The following C11orf65 variants were observed in gnomAD, a reference collection of about 807,000 sequenced individuals.
The protein encoded by C11orf65 is chromosome 11 open reading frame 65, also known as protein MFI.
In C11orf65, 38 loss-of-function variants were observed where a neutral mutation model predicts 35.3. The observed-to-expected ratio is 1.08, with a 90% CI of 0.83 to 1.41. C11orf65 has a LOEUF of 1.41. Among genes scored for constraint, C11orf65 ranks in the 40% most tolerant of loss-of-function variants. The pLI, the probability that C11orf65 is intolerant of heterozygous loss-of-function variation, is 0.00. For synonymous variants in C11orf65, 105 were observed against 114.4 expected (o/e 0.92, Z 0.53); for missense variants, 370 against 367.1 (o/e 1.01, Z -0.06).
chr11:108,334,296 A>G (rs949290407), intron 3 of C11orf65, among the ~76,000 whole-genome samples: 1 of 152,102 alleles, frequency 6.6e-6, no homozygotes, highest in African/African-American at 2.4e-5. Flanking sequence ...GAAGGTTCCA[A>G]TTGTCATATA....
intron 6 of C11orf65, among the ~76,000 whole-genome samples, chr11:108,311,433 C>G (rs963379288): frequency 1.5e-4 from 23 of 152,242 alleles, no homozygotes; most frequent in African/African-American, 4.6e-4. Flanking sequence ...CAGTGGCTCA[C>G]GCATGTAATC....
intron 3 of C11orf65, among the ~76,000 whole-genome samples, chr11:108,410,498 C>T (rs547525887): frequency 2.4e-4 from 36 of 152,180 alleles, no homozygotes; most frequent in Non-Finnish European, 3.8e-4. Context: ...GGACTAAAGG[C>T]ACGCACCATC....
intron 3 of C11orf65, among the ~76,000 whole-genome samples, chr11:108,424,104 C>T (rs750363769): frequency 1.3e-5 from 2 of 152,126 alleles, no homozygotes; most frequent in South Asian, 2.1e-4. Context: ...ATAACAAACT[C>T]CTCCGAGCTA....
chr11:108,317,555 C>A, intron 6 of C11orf65: 1 of 1,559,832 alleles, frequency 6.4e-7, no homozygotes, highest in South Asian at 1.1e-5. Context: ...TTTTTTTTGC[C>A]TCTCTCCTCA....
Position 108,427,436 on chromosome 11 carries a change from G to A in C11orf65, c.174+4310C>T, listed in dbSNP as rs1371731997. Among the ~76,000 whole-genome samples the A allele has an allele frequency of 0.013, 8 of 626 alleles. No individual in the cohort carries two copies. The South Asian group carries it at 0.33, about 26-fold the overall frequency. 0.4% of individuals were successfully genotyped at this position (626 alleles called of 152,430 possible). On this transcript the variant is annotated intron_variant, in intron 3 of 8. Transcript: ENST00000393084. ...GTGGTCAACAAACATATTTTAAAAA[G>A]CTCGGCCGGGCGCGGGCTGACGCCT...
At chr11:108,345,665 AT>A (rs2137018359) in intron 2 of C11orf65, 1 of 1,217,010 alleles carries the variant, frequency 8.2e-7, no homozygotes, top group South Asian at 1.5e-5. Flanking sequence ...TATCTGTCAT[AT>A]TTTTATATAA....
At chr11:108,411,594 G>C (rs903120637) in intron 3 of C11orf65, among the ~76,000 whole-genome samples, 4 of 151,958 alleles carry the variant, frequency 2.6e-5, no homozygotes, top group Non-Finnish European at 5.9e-5. Flanking sequence ...TAAAATCTTC[G>C]ACTATGCTTG....
intron 3 of C11orf65, among the ~76,000 whole-genome samples, chr11:108,413,560 T>C (rs1279026282): frequency 1.3e-5 from 2 of 152,250 alleles, no homozygotes; most frequent in African/African-American, 2.4e-5. Context: ...TTCAGTACTG[T>C]CCTGAACTTG....
downstream of C11orf65, chr11:108,327,579 A>C: frequency 7.5e-7 from 1 of 1,336,038 alleles, no homozygotes; most frequent in South Asian, 1.2e-5. Context: ...TTCCCCGTAC[A>C]TGAAGGGCAG....
At chr11:108,334,435 A>G (rs2086611804) in intron 3 of C11orf65, among the ~76,000 whole-genome samples, 1 of 152,206 alleles carries the variant, frequency 6.6e-6, no homozygotes, top group East Asian at 1.9e-4. Context: ...CTCTGTTCTA[A>G]TATTCTTTTA....
chr11:108,310,044 G>T, intron 6 of C11orf65: 2 of 1,086,012 alleles, frequency 1.8e-6, no homozygotes, highest in East Asian at 2.6e-5. Flanking sequence ...TGTGGTTTTT[G>T]GGAATTTGTA....
rs755656958 is a variant in C11orf65, at chr11:108,325,350, T to C, written c.641-16279A>G. ...ACAACTCTCTGAAGTATATATTAAG[T>C]GGCAGAAACACTCCCAGCTTCTCAA... On this transcript the variant is annotated intron_variant, in intron 6 of 6. Transcript: ENST00000525729. 1.2e-6 allele frequency: 2 copies of C among 1,612,734 alleles called. 1 individual carries two copies. Among genetic ancestry groups the C allele is most frequent in the South Asian group, 2.2e-5 (2 of 91,038 alleles).
chr11:108,360,177 A>T (rs1164002750), intron 2 of C11orf65, among the ~76,000 whole-genome samples: 7 of 150,472 alleles, frequency 4.7e-5, no homozygotes, highest in Non-Finnish European at 7.4e-5. Context: ...CCTCTACGCA[A>T]ATAAACTAGA....
At chr11:108,380,083 G>A (rs2091837559), downstream of C11orf65, among the ~76,000 whole-genome samples, 1 of 152,104 alleles carries the variant, frequency 6.6e-6, no homozygotes, top group Non-Finnish European at 1.5e-5. Flanking sequence ...TCTCTCTCAG[G>A]CCACACTGAT....
In C11orf65 at chr11:108,319,988, T is replaced by C. The variant is rs753646931; in HGVS notation, c.641-10917A>G. 5.1e-5 allele frequency: 82 copies of C among 1,612,714 alleles called. 1 individual carries two copies. The Middle Eastern group carries it at 8.2e-4, about 16-fold the overall frequency. ...AGAAGGAACCAGTTACCATGAATCA[T>C]TGTACAATGCTCTACAATCTCTAAG... On this transcript the variant is annotated intron_variant, in intron 6 of 6. Transcript: ENST00000525729.
At chr11:108,410,381 C>CA (rs1457521256) in intron 3 of C11orf65, among the ~76,000 whole-genome samples, 1 of 152,142 alleles carries the variant, frequency 6.6e-6, no homozygotes, top group East Asian at 1.9e-4. Context: ...TTAACATATT[C>CA]AATGAACCAA....
intron 2 of C11orf65, among the ~76,000 whole-genome samples, chr11:108,370,112 T>C (rs2091514807): frequency 6.6e-6 from 1 of 152,180 alleles, no homozygotes; most frequent in Non-Finnish European, 1.5e-5. Flanking sequence ...GTTCCTAATG[T>C]CACTCAGTTA....
At chr11:108,466,425 T>C (rs1326814362) in intron 1 of C11orf65, among the ~76,000 whole-genome samples, 1 of 151,874 alleles carries the variant, frequency 6.6e-6, no homozygotes, top group Non-Finnish European at 1.5e-5. Context: ...AATACAAAAA[T>C]AAACTGGGTG....
At chr11:108,456,345 T>C (rs1306028559) in intron 2 of C11orf65, among the ~76,000 whole-genome samples, 1 of 152,144 alleles carries the variant, frequency 6.6e-6, no homozygotes, top group East Asian at 1.9e-4. Flanking sequence ...CCTCTAAGTA[T>C]ACACAACAAT....
Sources: allele counts gnomAD v4.1 joint callset (sites outside exome capture counted in the v4.1 genomes callset), GRCh38; gene constraint gnomAD v4.1.1; transcripts MANE v1.5; gene names NCBI Gene and HGNC (gene_info 2026-07-23, HGNC 2026-07-21).